REDIC1: variants seen among roughly 807,000 people sequenced by gnomAD.
The protein encoded by REDIC1 is HEI10 Interacting Protein 1.
the REDIC1 span, among the ~76,000 whole-genome samples, chr12:39,711,474 TG>T: frequency 6.9e-6 from 1 of 144,404 alleles, no homozygotes; most frequent in Non-Finnish European, 1.5e-5. Context: ...CATACATATA[TG>T]TATGTGTATA....
the REDIC1 span, among the ~76,000 whole-genome samples, chr12:39,815,838 A>G: frequency 1.3e-5 from 2 of 152,248 alleles, no homozygotes; most frequent in African/African-American, 2.4e-5. Flanking sequence ...ACAACATTCT[A>G]TAAAAGAGAT....
At chr12:39,809,401 A>G in the REDIC1 span, among the ~76,000 whole-genome samples, 1 of 152,120 alleles carries the variant, frequency 6.6e-6, no homozygotes, top group South Asian at 2.1e-4. Context: ...TTTCTATATA[A>G]ATTTCAGAAC....
the REDIC1 span, among the ~76,000 whole-genome samples, chr12:39,834,703 C>A: frequency 3.9e-5 from 6 of 152,096 alleles, no homozygotes; most frequent in Non-Finnish European, 8.8e-5. Flanking sequence ...CTGGACTAAG[C>A]CCTTATCTGC....
chr12:39,684,260 G>A, the REDIC1 span: 33 of 979,258 alleles, frequency 3.4e-5, no homozygotes, highest in Non-Finnish European at 3.9e-5. Context: ...AGTAACTAAA[G>A]AAAACTTTAT....
the REDIC1 span, chr12:39,647,874 C>T: frequency 6.2e-7 from 1 of 1,607,944 alleles, no homozygotes; most frequent in South Asian, 1.1e-5. Context: ...TCATCTTTTT[C>T]AGTGGAGTTA....
the REDIC1 span, among the ~76,000 whole-genome samples, chr12:39,804,794 A>C: frequency 6.6e-6 from 1 of 152,194 alleles, no homozygotes. Flanking sequence ...AGATACATTT[A>C]TATTTACATG....
chr12:39,680,066 T>G, the REDIC1 span, among the ~76,000 whole-genome samples: 1 of 152,148 alleles, frequency 6.6e-6, no homozygotes, highest in East Asian at 1.9e-4. Context: ...TTCTAGACAT[T>G]GGCTTAGGCG....
the REDIC1 span, among the ~76,000 whole-genome samples, chr12:39,841,376 A>G: frequency 6.6e-6 from 1 of 152,118 alleles, no homozygotes; most frequent in Admixed American, 6.6e-5. Flanking sequence ...ATCTGAACAA[A>G]ATGCACCAAT....
the REDIC1 span, among the ~76,000 whole-genome samples, chr12:39,898,646 A>G: frequency 6.6e-6 from 1 of 152,134 alleles, no homozygotes; most frequent in African/African-American, 2.4e-5. Flanking sequence ...TACTCACACT[A>G]TGAGAGACAT....
the REDIC1 span, among the ~76,000 whole-genome samples, chr12:39,641,499 A>G: frequency 8.0e-4 from 122 of 151,876 alleles, no homozygotes; most frequent in East Asian, 9.5e-3. Context: ...GAGATGGAGA[A>G]AGAAGACAGG....
At chr12:39,713,559 CAT>C in the REDIC1 span, among the ~76,000 whole-genome samples, 1 of 148,922 alleles carries the variant, frequency 6.7e-6, no homozygotes, top group Non-Finnish European at 1.5e-5. Flanking sequence ...TGCGTGCATA[CAT>C]GTGTACGCGT....
chr12:39,809,658 C>T, the REDIC1 span, among the ~76,000 whole-genome samples: 1 of 152,080 alleles, frequency 6.6e-6, no homozygotes, highest in Non-Finnish European at 1.5e-5. Context: ...CTTTCCCCAT[C>T]CCCCCACCCC....
the REDIC1 span, among the ~76,000 whole-genome samples, chr12:39,862,771 A>G: frequency 6.6e-6 from 1 of 152,160 alleles, no homozygotes; most frequent in Non-Finnish European, 1.5e-5. Context: ...GTCATATTTT[A>G]ATACAAGTAT....
the REDIC1 span, among the ~76,000 whole-genome samples, chr12:39,905,616 G>A: frequency 6.6e-6 from 1 of 151,920 alleles, no homozygotes; most frequent in Non-Finnish European, 1.5e-5. Context: ...TATTAGTCTT[G>A]CAAATGCTGC....
chr12:39,824,628 G>A, the REDIC1 span, among the ~76,000 whole-genome samples: 5 of 152,288 alleles, frequency 3.3e-5, no homozygotes, highest in African/African-American at 1.2e-4. Context: ...CTCCAGGCCA[G>A]GTTGCCTCAC....
At chr12:39,806,123 T>A in the REDIC1 span, among the ~76,000 whole-genome samples, 3 of 152,176 alleles carry the variant, frequency 2.0e-5, no homozygotes, top group Non-Finnish European at 4.4e-5. Flanking sequence ...TATATGCAAG[T>A]TTCACAAGAG....
At chr12:39,639,420 A>G in the REDIC1 span, among the ~76,000 whole-genome samples, 1 of 151,988 alleles carries the variant, frequency 6.6e-6, no homozygotes, top group African/African-American at 2.4e-5. Flanking sequence ...AGTTAATGAG[A>G]AGTATATTAA....
the REDIC1 span, among the ~76,000 whole-genome samples, chr12:39,713,761 G>GTA: frequency 4.1e-5 from 6 of 147,798 alleles, no homozygotes; most frequent in Admixed American, 1.4e-4. Context: ...ATGTATACAC[G>GTA]TATATATATA....
the REDIC1 span, among the ~76,000 whole-genome samples, chr12:39,697,582 A>G: frequency 2.0e-5 from 3 of 152,234 alleles, no homozygotes; most frequent in Non-Finnish European, 4.4e-5. Context: ...AAAGATATAT[A>G]TAGAAACAAC....
Sources: allele counts gnomAD v4.1 joint callset (sites outside exome capture counted in the v4.1 genomes callset), GRCh38; gene constraint gnomAD v4.1.1; transcripts MANE v1.5; gene names NCBI Gene and HGNC (gene_info 2026-07-23, HGNC 2026-07-21).